DLGAP2: variants seen among roughly 807,000 people sequenced by gnomAD.
DLGAP2 encodes DLG associated protein 2, also known as disks large-associated protein 2.
In DLGAP2, 26 loss-of-function variants were observed where a neutral mutation model predicts 100.3. The ratio of observed to expected loss-of-function variants is 0.26; its 90% CI spans 0.19 to 0.36. The LOEUF (loss-of-function observed/expected upper bound fraction) is 0.36, where lower values mean the gene tolerates loss of function less well. Ranked by LOEUF, DLGAP2 falls within the 10% of genes least tolerant of loss-of-function variation. DLGAP2 has a pLI of 1.00. For synonymous variants in DLGAP2, 886 were observed against 630.1 expected, an observed-to-expected ratio of 1.41 and a Z score of -6.08; for missense variants, 1,858 against 1,453.2, an observed-to-expected ratio of 1.28 and a Z score of -4.53.
intron 3 of DLGAP2, among the ~76,000 whole-genome samples, chr8:1,370,471 C>G (rs1802210851): frequency 1.3e-5 from 2 of 152,210 alleles, no homozygotes; most frequent in South Asian, 4.1e-4. Flanking sequence ...TTGGGGCATT[C>G]CACTCTCCTT....
chr8:810,934 T>C (rs1348207070), intron 1 of DLGAP2, among the ~76,000 whole-genome samples: 2 of 152,216 alleles, frequency 1.3e-5, no homozygotes, highest in Non-Finnish European at 2.9e-5. Context: ...TGTGGTTGGA[T>C]GTTCGGGTAT....
intron 2 of DLGAP2, among the ~76,000 whole-genome samples, chr8:1,088,137 G>A (rs567682261): frequency 6.0e-4 from 92 of 152,356 alleles, no homozygotes; most frequent in African/African-American, 2.0e-3. Context: ...ACGTCACCAA[G>A]GCGGCTGCTG....
chr8:1,618,313 C>A (rs551967467), intron 6 of DLGAP2, among the ~76,000 whole-genome samples: 10 of 152,168 alleles, frequency 6.6e-5, no homozygotes, highest in Non-Finnish European at 1.2e-4. Flanking sequence ...TTTCTGTAGA[C>A]CCATAATGAA....
intron 1 of DLGAP2, among the ~76,000 whole-genome samples, chr8:761,560 G>T (rs183493233): frequency 4.1e-4 from 63 of 152,324 alleles, no homozygotes; most frequent in African/African-American, 1.4e-3. Flanking sequence ...TGGCTGAAAG[G>T]CCAGTGTGGG....
At chr8:773,432 G>A (rs891263414) in intron 1 of DLGAP2, among the ~76,000 whole-genome samples, 3 of 151,272 alleles carry the variant, frequency 2.0e-5, no homozygotes, top group African/African-American at 7.3e-5. Context: ...GTGCCATGCT[G>A]GTGCGCTGCA....
intron 1 of DLGAP2, among the ~76,000 whole-genome samples, chr8:805,397 A>G (rs147466384): frequency 8.6e-5 from 13 of 152,032 alleles, no homozygotes; most frequent in Non-Finnish European, 1.8e-4. Flanking sequence ...CTTTCTTCCT[A>G]TGGTGCTTCC....
At chr8:963,629 G>A (rs1243271782) in intron 2 of DLGAP2, among the ~76,000 whole-genome samples, 1 of 152,166 alleles carries the variant, frequency 6.6e-6, no homozygotes, top group African/African-American at 2.4e-5. Flanking sequence ...AGGAAATTGA[G>A]ACAGTAAAAA....
chr8:1,507,883 T>C (rs1211702014), intron 4 of DLGAP2, among the ~76,000 whole-genome samples: 1 of 138,818 alleles, frequency 7.2e-6, no homozygotes, highest in Non-Finnish European at 1.5e-5. Flanking sequence ...GCTTCAGCCT[T>C]GACCTTCCTG....
rs76468713 is a variant in DLGAP2, at chr8:1,645,984, G to A, written c.1810+12938G>A. Among the ~76,000 whole-genome samples, 24 of 152,284 alleles carry A rather than the reference G, an allele frequency of 1.6e-4. No homozygotes were observed. In the East Asian group the frequency reaches 3.7e-3, roughly 23 times the overall value. On this transcript the variant is annotated intron_variant, in intron 8 of 14. Coordinates refer to ENST00000637795, the MANE Select transcript of DLGAP2 (RefSeq NM_001346810.2). ...ATGTTTGCCATTGGTGGTGGAGGCCGAATAATGCCGCACAGTTCTCTGTAT... is the reference window on the plus strand; with the variant it reads ...ATGTTTGCCATTGGTGGTGGAGGCCAAATAATGCCGCACAGTTCTCTGTAT...
intron 2 of DLGAP2, among the ~76,000 whole-genome samples, chr8:1,030,390 C>G (rs1801939520): frequency 6.6e-6 from 1 of 152,092 alleles, no homozygotes; most frequent in Non-Finnish European, 1.5e-5. Context: ...ATCAAACATA[C>G]CAAGGCTTTG....
intron 2 of DLGAP2, among the ~76,000 whole-genome samples, chr8:1,127,182 C>G (rs1279083816): frequency 6.6e-6 from 1 of 151,094 alleles, no homozygotes; most frequent in Non-Finnish European, 1.5e-5. Flanking sequence ...CTTAAACGGT[C>G]CTTCTGCTTG....
At chr8:1,356,096 A>G (rs1013161627) in intron 3 of DLGAP2, among the ~76,000 whole-genome samples, 4 of 152,292 alleles carry the variant, frequency 2.6e-5, no homozygotes, top group South Asian at 4.2e-4. Context: ...AGGTCCCTGG[A>G]CAAGGTGGGC....
chr8:1,232,860 G>A (rs934501384), intron 2 of DLGAP2, among the ~76,000 whole-genome samples: 5 of 152,192 alleles, frequency 3.3e-5, no homozygotes, highest in African/African-American at 1.2e-4. Context: ...TAGTGTGTTT[G>A]CACGGTTGTG....
chr8:1,701,493 T>TCCTCCCGCTGAACACGTCCTC lies in DLGAP2; in HGVS notation c.*88_*108dup. 7.4e-7 allele frequency: 1 copy of TCCTCCCGCTGAACACGTCCTC among 1,350,522 alleles called. No homozygotes were observed. Among genetic ancestry groups the TCCTCCCGCTGAACACGTCCTC allele is most frequent in the Non-Finnish European group, 1.0e-6 (1 of 1,003,182 alleles). The allele number at this position is 1,350,522 out of a possible 1,614,324, so 83.7% of individuals were successfully genotyped here. On this transcript the variant is annotated 3_prime_UTR_variant, in exon 15 of 15. Coordinates refer to ENST00000637795, the MANE Select transcript of DLGAP2 (RefSeq NM_001346810.2). ...CGCCGCCCTGGTGGTTTCTGTCTCCTCCTCCCGCTGAACACGTCCTCGCTC... is the reference window on the plus strand; with the variant it reads ...CGCCGCCCTGGTGGTTTCTGTCTCCTCCTCCCGCTGAACACGTCCTCCCTCCCGCTGAACACGTCCTCGCTC...
At chr8:771,505 T>A (rs1821359687) in intron 1 of DLGAP2, among the ~76,000 whole-genome samples, 1 of 152,238 alleles carries the variant, frequency 6.6e-6, no homozygotes, top group Non-Finnish European at 1.5e-5. Flanking sequence ...GCTCTGTCAC[T>A]AAGTACTTGC....
intron 3 of DLGAP2, chr8:1,381,181 C>T (rs1208612162): frequency 6.6e-6 from 1 of 152,124 alleles, no homozygotes; most frequent in Non-Finnish European, 1.5e-5. Context: ...AGAACAGGTG[C>T]TTCCCCAGGA....
intron 8 of DLGAP2, among the ~76,000 whole-genome samples, chr8:1,633,918 G>A (rs1387160066): frequency 6.6e-6 from 1 of 152,198 alleles, no homozygotes; most frequent in East Asian, 1.9e-4. Context: ...CAGGAGAGAA[G>A]CAAAGAGAAA....
chr8:1,344,095 C>CCTGTCATGGGTCTTTGTACTCGGGGCG (rs1801485447), intron 3 of DLGAP2, among the ~76,000 whole-genome samples: 2 of 149,420 alleles, frequency 1.3e-5, no homozygotes, highest in African/African-American at 5.1e-5. Flanking sequence ...TACTCGGGGC[C>CCTGTCATGGGTCTTTGTACTCGGGGCG]CTGTCGTGGG....
chr8:1,575,235 G>A (rs1400299061), intron 6 of DLGAP2, among the ~76,000 whole-genome samples: 7 of 152,122 alleles, frequency 4.6e-5, no homozygotes, highest in South Asian at 2.1e-4. Context: ...TGTGGCAAAC[G>A]TGGGAAGGCA....
Sources: gnomAD v4.1 joint callset for allele counts (sites outside exome capture counted in the v4.1 genomes callset) on GRCh38, gnomAD v4.1.1 for gene constraint, MANE v1.5 for transcripts, NCBI Gene and HGNC (gene_info 2026-07-23, HGNC 2026-07-21) for gene names.